CNTNAP5: variants seen among roughly 807,000 people sequenced by gnomAD.
CNTNAP5 encodes contactin associated protein family member 5, also known as contactin-associated protein-like 5.
CNTNAP5 carries 72 observed loss-of-function variants against 150.2 expected under a neutral mutation model. The ratio of observed to expected loss-of-function variants is 0.48; its 90% CI spans 0.40 to 0.58. CNTNAP5 has a LOEUF of 0.58. CNTNAP5 is among the 20% of genes least tolerant of loss of function. The probability of loss-of-function intolerance (pLI) is 0.00; values close to 1 mark genes in which losing one functional copy is unlikely to be tolerated. For synonymous variants in CNTNAP5, 672 were observed against 619.8 expected, an observed-to-expected ratio of 1.08 and a Z score of -1.25; for missense variants, 1,636 against 1,626.2, an observed-to-expected ratio of 1.01 and a Z score of -0.10.
intron 1 of CNTNAP5, among the ~76,000 whole-genome samples, chr2:124,151,116 G>T (rs1420890697): frequency 1.3e-5 from 2 of 152,126 alleles, no homozygotes; most frequent in Admixed American, 6.5e-5. Flanking sequence ...TCCCAACTTA[G>T]ACCCCAGAGT....
chr2:124,111,719 T>G (rs1259443122), intron 1 of CNTNAP5, among the ~76,000 whole-genome samples: 1 of 152,208 alleles, frequency 6.6e-6, no homozygotes, highest in African/African-American at 2.4e-5. Flanking sequence ...CATAAAAATT[T>G]CTATGACATC....
At chr2:124,171,259 A>T (rs1453920196) in intron 1 of CNTNAP5, among the ~76,000 whole-genome samples, 1 of 152,168 alleles carries the variant, frequency 6.6e-6, no homozygotes, top group Non-Finnish European at 1.5e-5. Context: ...CGTGTCCTTC[A>T]GCAAGGTCAG....
intron 7 of CNTNAP5, among the ~76,000 whole-genome samples, chr2:124,486,673 G>A (rs1004210326): frequency 3.9e-5 from 6 of 152,138 alleles, no homozygotes; most frequent in Non-Finnish European, 5.9e-5. Context: ...ACAGTTTTAT[G>A]CAATACCAGC....
intron 13 of CNTNAP5, among the ~76,000 whole-genome samples, chr2:124,666,526 T>C (rs1346918465): frequency 6.6e-6 from 1 of 152,134 alleles, no homozygotes; most frequent in Admixed American, 6.5e-5. Flanking sequence ...CAGAGAGGTG[T>C]CATCACAAGG....
chr2:124,837,609 G>T (rs939416295), intron 19 of CNTNAP5, among the ~76,000 whole-genome samples: 1 of 152,074 alleles, frequency 6.6e-6, no homozygotes, highest in Non-Finnish European at 1.5e-5. Context: ...TTTTTTGCTT[G>T]AGCACAGAAC....
At chr2:124,761,779 G>A (rs1239152256) in intron 14 of CNTNAP5, among the ~76,000 whole-genome samples, 2 of 152,080 alleles carry the variant, frequency 1.3e-5, no homozygotes, top group African/African-American at 4.8e-5. Context: ...TCTTAGTAAT[G>A]TGCTTTGCAT....
intron 1 of CNTNAP5, among the ~76,000 whole-genome samples, chr2:124,090,162 A>G (rs1398673537): frequency 2.0e-5 from 3 of 152,258 alleles, no homozygotes; most frequent in Non-Finnish European, 4.4e-5. Flanking sequence ...TTCTGATTGA[A>G]TAATCCTTTA....
intron 13 of CNTNAP5, among the ~76,000 whole-genome samples, chr2:124,735,375 A>G (rs2105131674): frequency 6.6e-6 from 1 of 152,268 alleles, no homozygotes; most frequent in Non-Finnish European, 1.5e-5. Flanking sequence ...GGTTTAGGCC[A>G]ATTAGACTTC....
intron 21 of CNTNAP5, among the ~76,000 whole-genome samples, chr2:124,892,501 A>G (rs537788019): frequency 3.4e-4 from 52 of 152,246 alleles, no homozygotes; most frequent in African/African-American, 1.1e-3. Context: ...ACAAAACAAG[A>G]AAGTATAACA....
At chr2:124,120,870 A>G (rs1351742759) in intron 1 of CNTNAP5, among the ~76,000 whole-genome samples, 1 of 152,126 alleles carries the variant, frequency 6.6e-6, no homozygotes, top group Non-Finnish European at 1.5e-5. Flanking sequence ...CCCATACCTG[A>G]GTCTTGGTTC....
At chr2:124,275,888 G>A (rs1219806962) in intron 3 of CNTNAP5, among the ~76,000 whole-genome samples, 3 of 152,074 alleles carry the variant, frequency 2.0e-5, no homozygotes, top group Non-Finnish European at 4.4e-5. Context: ...ACTTGTACCT[G>A]GTCATCAGAC....
At chr2:124,264,505 A>G (rs1342548366) in intron 3 of CNTNAP5, among the ~76,000 whole-genome samples, 3 of 152,076 alleles carry the variant, frequency 2.0e-5, no homozygotes, top group Admixed American at 6.6e-5. Flanking sequence ...TTTTGAGGCA[A>G]CATAAATATG....
chr2:124,205,402 AGTT>A (rs1685836354), intron 1 of CNTNAP5, among the ~76,000 whole-genome samples: 1 of 151,804 alleles, frequency 6.6e-6, no homozygotes, highest in African/African-American at 2.4e-5. Context: ...TGTCAATTAA[AGTT>A]GTTTTCTTTT....
intron 3 of CNTNAP5, among the ~76,000 whole-genome samples, chr2:124,412,202 AC>A (rs1250165038): frequency 2.1e-5 from 3 of 141,544 alleles, no homozygotes; most frequent in Admixed American, 7.2e-5. Context: ...AAGGAGAACT[AC>A]AAACCACTGC....
At chr2:124,461,407 C>T (rs1011307028) in intron 6 of CNTNAP5, among the ~76,000 whole-genome samples, 37 of 151,516 alleles carry the variant, frequency 2.4e-4, no homozygotes, top group African/African-American at 8.0e-4. Flanking sequence ...AATCATCATT[C>T]TCAGTAAACT....
At chr2:124,334,981 C>G (rs527738133) in intron 3 of CNTNAP5, among the ~76,000 whole-genome samples, 42 of 152,200 alleles carry the variant, frequency 2.8e-4, no homozygotes, top group Non-Finnish European at 3.5e-4. Flanking sequence ...TCAGAATAAA[C>G]TCTTTAAGCA....
intron 13 of CNTNAP5, among the ~76,000 whole-genome samples, chr2:124,693,840 C>CAAAAA (rs142663614): frequency 1.6e-5 from 2 of 121,746 alleles, no homozygotes; most frequent in Admixed American, 8.7e-5. Flanking sequence ...AAAAAAAAGG[C>CAAAAA]AAAAAAAAAA....
intron 4 of CNTNAP5, among the ~76,000 whole-genome samples, chr2:124,423,687 C>T (rs986065203): frequency 2.4e-4 from 8 of 33,384 alleles, no homozygotes; most frequent in Admixed American, 1.5e-3. Context: ...TTTTTTGAGA[C>T]GGAGTCTCGC....
chr2:124,837,894 T>C (rs980765544), intron 19 of CNTNAP5, among the ~76,000 whole-genome samples: 1 of 152,108 alleles, frequency 6.6e-6, no homozygotes, highest in Non-Finnish European at 1.5e-5. Flanking sequence ...GGCCACTGTT[T>C]TCAGTGTTCA....
Sources: allele counts gnomAD v4.1 joint callset (sites outside exome capture counted in the v4.1 genomes callset), GRCh38; gene constraint gnomAD v4.1.1; transcripts MANE v1.5; gene names NCBI Gene and HGNC (gene_info 2026-07-23, HGNC 2026-07-21).